The following B4GALNT3 variants were observed in gnomAD, a reference collection of about 807,000 sequenced individuals.
B4GALNT3 encodes the protein beta-1,4-N-acetyl-galactosaminyltransferase 3.
B4GALNT3 carries 86 observed loss-of-function variants against 120.2 expected under a neutral mutation model. That is an observed-to-expected ratio of 0.72 (90% CI 0.60 to 0.86). The LOEUF (loss-of-function observed/expected upper bound fraction) is 0.86, where lower values mean the gene tolerates loss of function less well. Ranked by LOEUF, B4GALNT3 falls within the 40% of genes least tolerant of loss-of-function variation. The pLI is 0.00. For synonymous variants in B4GALNT3, 518 were observed against 510.4 expected, an observed-to-expected ratio of 1.01 and a Z score of -0.20; for missense variants, 1,167 against 1,298.9, an observed-to-expected ratio of 0.90 and a Z score of 1.56.
intron 1 of B4GALNT3, among the ~76,000 whole-genome samples, chr12:480,163 C>T (rs1946224223): frequency 6.7e-6 from 1 of 150,186 alleles, no homozygotes; most frequent in Non-Finnish European, 1.5e-5. Flanking sequence ...GATCCGCCCG[C>T]CTCGGCCTCC....
At chr12:493,243 C>T (rs1235559606) in intron 1 of B4GALNT3, among the ~76,000 whole-genome samples, 4 of 152,322 alleles carry the variant, frequency 2.6e-5, no homozygotes, top group East Asian at 1.9e-4. Context: ...AAAACAACCC[C>T]ATTAATGGGC....
chr12:514,893 G>A (rs1018368404), intron 1 of B4GALNT3, among the ~76,000 whole-genome samples: 3 of 152,086 alleles, frequency 2.0e-5, no homozygotes, highest in South Asian at 4.1e-4. Flanking sequence ...GCCAGGCTTG[G>A]TGGTGGGAGC....
Position 556,235 on chromosome 12 carries a change from G to A in B4GALNT3, c.2061-312G>A, listed in dbSNP as rs141840389. Among the ~76,000 whole-genome samples, 504 of 152,252 alleles carry A rather than the reference G, an allele frequency of 3.3e-3. 4 individuals carry two copies. Among genetic ancestry groups the A allele is most frequent in the Non-Finnish European group, 4.3e-3 (292 of 68,024 alleles). On this transcript the variant is annotated intron_variant, in intron 14 of 19. Coordinates refer to ENST00000266383, the MANE Select transcript of B4GALNT3 (RefSeq NM_173593.4). ...TGTCTTATGGAATGTTGATTCGACCGTTTTTATTGAGGGTCAGTTTCTCAG... is the reference window on the plus strand; with the variant it reads ...TGTCTTATGGAATGTTGATTCGACCATTTTTATTGAGGGTCAGTTTCTCAG...
At chr12:487,188 G>A (rs1946297853) in intron 1 of B4GALNT3, among the ~76,000 whole-genome samples, 1 of 152,112 alleles carries the variant, frequency 6.6e-6, no homozygotes, top group Non-Finnish European at 1.5e-5. Flanking sequence ...TCCAAGAACT[G>A]TGGGACAATT....
At chr12:505,223 A>G (rs1234053840) in intron 1 of B4GALNT3, among the ~76,000 whole-genome samples, 1 of 152,194 alleles carries the variant, frequency 6.6e-6, no homozygotes, top group East Asian at 1.9e-4. Flanking sequence ...GTTCTATACT[A>G]TGTAATGAGT....
intron 1 of B4GALNT3, among the ~76,000 whole-genome samples, chr12:513,989 T>C (rs561077708): frequency 6.6e-6 from 1 of 152,244 alleles, no homozygotes; most frequent in Non-Finnish European, 1.5e-5. Context: ...TTTCCGCTTT[T>C]TGGCTATTAG....
At chr12:533,459 T>C (rs998618471) in intron 1 of B4GALNT3, among the ~76,000 whole-genome samples, 1 of 152,156 alleles carries the variant, frequency 6.6e-6, no homozygotes, top group African/African-American at 2.4e-5. Context: ...CCTGCAACCA[T>C]AACACGAGTG....
intron 1 of B4GALNT3, among the ~76,000 whole-genome samples, chr12:468,471 C>T (rs1210091090): frequency 6.6e-6 from 1 of 152,164 alleles, no homozygotes; most frequent in East Asian, 1.9e-4. Context: ...ATATTGGGGA[C>T]TGAGCCACTT....
At chr12:556,156 C>G (rs567247459) in intron 14 of B4GALNT3, among the ~76,000 whole-genome samples, 3 of 152,272 alleles carry the variant, frequency 2.0e-5, no homozygotes, top group Non-Finnish European at 4.4e-5. Flanking sequence ...TTTTATTTCT[C>G]TAGTGACTAA....
At position 552,292 on chromosome 12, in the gene B4GALNT3, T is replaced by TACAC. The variant is rs10604398; in HGVS notation, c.1209-134_1209-131dup. 7.8e-3 allele frequency: 4,867 copies of TACAC among 626,188 alleles called. 15 individuals are homozygous for TACAC. The highest frequency in any genetic ancestry group is 0.016 in the South Asian group (860 of 53,232). The allele number at this position is 626,188 out of a possible 1,614,324, so 38.8% of individuals were successfully genotyped here. A position where few individuals can be genotyped will look rare whatever the true frequency, so the allele number is the denominator to read the frequency against. On this transcript the variant is annotated intron_variant, in intron 12 of 19. Coordinates refer to ENST00000266383, the MANE Select transcript of B4GALNT3 (RefSeq NM_173593.4). ...CTTTGCTCTTGCTCTTCCTGAGTAC[T>TACAC]ACACACACACACACACACACACACA...
chr12:540,989 C>A (rs753910089), intron 3 of B4GALNT3, among the ~76,000 whole-genome samples: 1 of 152,172 alleles, frequency 6.6e-6, no homozygotes, highest in Non-Finnish European at 1.5e-5. Flanking sequence ...GTGATCCGCC[C>A]GCCTCAGCCT....
intron 1 of B4GALNT3, among the ~76,000 whole-genome samples, chr12:511,814 T>C (rs1592032259): frequency 1.7e-5 from 1 of 59,750 alleles, no homozygotes; most frequent in Non-Finnish European, 3.6e-5. Flanking sequence ...TTCCACCTTC[T>C]TCCACCTTCC....
intron 1 of B4GALNT3, among the ~76,000 whole-genome samples, chr12:470,764 A>G (rs1946128344): frequency 6.6e-6 from 1 of 152,032 alleles, no homozygotes; most frequent in Non-Finnish European, 1.5e-5. Flanking sequence ...TTTGAGATGG[A>G]GTCTCGCTCT....
At chr12:478,430 GT>G (rs1946205746) in intron 1 of B4GALNT3, among the ~76,000 whole-genome samples, 1 of 152,160 alleles carries the variant, frequency 6.6e-6, no homozygotes, top group East Asian at 1.9e-4. Context: ...AATACCACCT[GT>G]CTGTTTTAGG....
At chr12:517,138 G>A (rs1946665026) in intron 1 of B4GALNT3, among the ~76,000 whole-genome samples, 1 of 152,296 alleles carries the variant, frequency 6.6e-6, no homozygotes. Flanking sequence ...GTATAAGCGG[G>A]GAGTTCAGGC....
intron 12 of B4GALNT3, 112 bp from the exon 13 acceptor site, chr12:552,355 C>T (rs1947094583): frequency 9.0e-7 from 1 of 1,111,874 alleles, no homozygotes; most frequent in African/African-American, 1.5e-5. Flanking sequence ...CAGCCTCCTT[C>T]CTCCACTCTA....
chr12:477,289 T>C (rs749789994), intron 1 of B4GALNT3, among the ~76,000 whole-genome samples: 4 of 152,218 alleles, frequency 2.6e-5, no homozygotes, highest in African/African-American at 9.7e-5. Flanking sequence ...ATATTGTGCC[T>C]GCATATAGAC....
chr12:537,915 A>G (rs1348744575), intron 3 of B4GALNT3, among the ~76,000 whole-genome samples: 1 of 152,158 alleles, frequency 6.6e-6, no homozygotes, highest in African/African-American at 2.4e-5. Context: ...ATGTGACGTT[A>G]GTTATCCACA....
At chr12:558,316 G>A (rs541445464) in intron 17 of B4GALNT3, among the ~76,000 whole-genome samples, 192 bp from the exon 18 acceptor site, 1 of 152,298 alleles carries the variant, frequency 6.6e-6, no homozygotes, top group South Asian at 2.1e-4. Flanking sequence ...GTGGGGAGGA[G>A]TCAGAATTCA....
Sources: gnomAD v4.1 joint callset for allele counts (sites outside exome capture counted in the v4.1 genomes callset) on GRCh38, gnomAD v4.1.1 for gene constraint, MANE v1.5 for transcripts, NCBI Gene and HGNC (gene_info 2026-07-23, HGNC 2026-07-21) for gene names.